Variants in HECTD2 observed in about 807,000 individuals in gnomAD.
HECTD2 encodes HECT domain E3 ubiquitin protein ligase 2.
In HECTD2, 35 loss-of-function variants were observed where a neutral mutation model predicts 103.2. The ratio of observed to expected loss-of-function variants is 0.34; its 90% CI spans 0.26 to 0.45. The LOEUF is 0.45. HECTD2 is among the 20% of genes least tolerant of loss of function. The pLI, the probability that HECTD2 is intolerant of heterozygous loss-of-function variation, is 1.00. For synonymous variants in HECTD2, 281 were observed against 329.9 expected (o/e 0.85, Z 1.61); for missense variants, 596 against 937.4 (o/e 0.64, Z 4.76).
intron 20 of HECTD2, among the ~76,000 whole-genome samples, chr10:91,504,324 ACT>A (rs1242666669): frequency 6.6e-6 from 1 of 152,134 alleles, no homozygotes; most frequent in Non-Finnish European, 1.5e-5. Flanking sequence ...TGATCAAATT[ACT>A]CTGAGCTACG....
At position 91,436,916 on chromosome 10, in the gene HECTD2, T is replaced by C. The variant is rs555225486; in HGVS notation, c.268+11506T>C. Among the ~76,000 whole-genome samples, 3 of 152,160 alleles carry C rather than the reference T, an allele frequency of 2.0e-5. No homozygotes were observed. The South Asian group carries it at 6.2e-4, about 31-fold the overall frequency. On this transcript the variant is annotated intron_variant, in intron 2 of 20. Transcript: ENST00000298068. ...TGTTCTGTTTGTCCTTATAGACTTA[T>C]ATCTTTAAAACAACAACAGAACCTT... is the stretch of plus-strand genomic sequence containing the variant.
intron 20 of HECTD2, among the ~76,000 whole-genome samples, chr10:91,505,315 G>C (rs1346007755): frequency 1.8e-4 from 28 of 151,434 alleles, no homozygotes; most frequent in African/African-American, 6.0e-4. Context: ...CCAATTAAAA[G>C]ACACAGACTG....
At chr10:91,429,125 A>C (rs1046907272) in intron 2 of HECTD2, among the ~76,000 whole-genome samples, 1 of 151,670 alleles carries the variant, frequency 6.6e-6, no homozygotes, top group African/African-American at 2.4e-5. Context: ...TTCTGCATCT[A>C]TTGAGAAAAT....
chr10:91,468,666 A>G (rs1845615005), intron 5 of HECTD2, among the ~76,000 whole-genome samples: 1 of 152,224 alleles, frequency 6.6e-6, no homozygotes, highest in African/African-American at 2.4e-5. Context: ...ATACAATAAA[A>G]TAATACAGGA....
At chr10:91,423,981 T>G (rs1028307676) in intron 1 of HECTD2, among the ~76,000 whole-genome samples, 1 of 152,184 alleles carries the variant, frequency 6.6e-6, no homozygotes, top group African/African-American at 2.4e-5. Flanking sequence ...TAGGCTATTC[T>G]GCAGTTACAA....
chr10:91,427,340 A>T (rs1327443745), intron 2 of HECTD2, among the ~76,000 whole-genome samples: 2 of 151,920 alleles, frequency 1.3e-5, no homozygotes, highest in Admixed American at 6.6e-5. Context: ...TAGCAGCATG[A>T]TTTATAGTCC....
intron 20 of HECTD2, among the ~76,000 whole-genome samples, chr10:91,510,461 A>G (rs1847379460): frequency 6.6e-6 from 1 of 152,234 alleles, no homozygotes; most frequent in Non-Finnish European, 1.5e-5. Context: ...TTTTTTCTTC[A>G]ATAAACATTT....
chr10:91,465,074 T>C (rs1455360768), intron 5 of HECTD2, among the ~76,000 whole-genome samples: 1 of 152,230 alleles, frequency 6.6e-6, no homozygotes, highest in Non-Finnish European at 1.5e-5. Flanking sequence ...AAACAAATCT[T>C]TAACTTTTAG....
At chr10:91,484,017 C>G (rs1252053841) in intron 8 of HECTD2, 2 of 238,800 alleles carry the variant, frequency 8.4e-6, no homozygotes, top group African/African-American at 4.6e-5. Flanking sequence ...CAAAAAGCAC[C>G]AAAATGTGAA....
intron 1 of HECTD2, among the ~76,000 whole-genome samples, chr10:91,420,979 G>T (rs184588923): frequency 1.1e-4 from 17 of 152,280 alleles, no homozygotes; most frequent in Admixed American, 1.1e-3. Flanking sequence ...GGGAACATTA[G>T]ATGGCAGCCA....
chr10:91,500,670 A>G, intron 19 of HECTD2, 53 bp downstream of exon 19: 1 of 845,292 alleles, frequency 1.2e-6, no homozygotes, highest in Non-Finnish European at 2.0e-6. Context: ...AACAGCAGAC[A>G]GTGTGGTTCA....
At chr10:91,426,792 C>T (rs1843579614) in intron 2 of HECTD2, among the ~76,000 whole-genome samples, 2 of 151,930 alleles carry the variant, frequency 1.3e-5, no homozygotes, top group South Asian at 4.2e-4. Flanking sequence ...ATGTGTGCTT[C>T]CTTCTCATCT....
chr10:91,440,583 T>C (rs1006424627), intron 2 of HECTD2, among the ~76,000 whole-genome samples: 3 of 143,794 alleles, frequency 2.1e-5, no homozygotes, highest in African/African-American at 7.8e-5. Flanking sequence ...AGGATGATGC[T>C]GACCTCATAA....
chr10:91,413,003 CT>C (rs1316604520), intron 1 of HECTD2, among the ~76,000 whole-genome samples: 2 of 152,068 alleles, frequency 1.3e-5, no homozygotes, highest in Non-Finnish European at 2.9e-5. Context: ...TCATCAATAA[CT>C]TTTTCTTTGA....
At chr10:91,416,901 A>T (rs1046158899) in intron 1 of HECTD2, among the ~76,000 whole-genome samples, 2 of 150,034 alleles carry the variant, frequency 1.3e-5, no homozygotes, top group Non-Finnish European at 2.9e-5. Context: ...GCACTCTCTG[A>T]ACTCTTTGGG....
chr10:91,506,968 A>G (rs1847210115), intron 20 of HECTD2, among the ~76,000 whole-genome samples: 1 of 151,654 alleles, frequency 6.6e-6, no homozygotes, highest in South Asian at 2.1e-4. Flanking sequence ...GGCTGGTTCA[A>G]TATACGCAAA....
chr10:91,472,983 T>A (rs72819215), intron 5 of HECTD2, among the ~76,000 whole-genome samples: 2,378 of 152,188 alleles, frequency 0.016, 34 homozygotes, highest in Middle Eastern at 0.037. Flanking sequence ...ATAATAAAGA[T>A]GTATAGAGGT....
At chr10:91,432,921 C>T (rs1286039717) in intron 2 of HECTD2, among the ~76,000 whole-genome samples, 1 of 151,980 alleles carries the variant, frequency 6.6e-6, no homozygotes, top group East Asian at 1.9e-4. Flanking sequence ...TGTGTGAGTC[C>T]TGTGATCTTC....
intron 6 of HECTD2, 69 bp downstream of exon 6, chr10:91,478,334 C>T: frequency 3.3e-6 from 3 of 920,712 alleles, no homozygotes; most frequent in Non-Finnish European, 5.3e-6. Context: ...ATATCTTTAA[C>T]ACATGTGTAT....
Sources: allele counts gnomAD v4.1 joint callset (sites outside exome capture counted in the v4.1 genomes callset), GRCh38; gene constraint gnomAD v4.1.1; transcripts MANE v1.5; gene names NCBI Gene and HGNC (gene_info 2026-07-23, HGNC 2026-07-21).